RICTOR: variants seen among roughly 807,000 people sequenced by gnomAD.
RICTOR encodes the protein RPTOR independent companion of MTOR complex 2.
RICTOR carries 49 observed loss-of-function variants against 214.9 expected under a neutral mutation model. The ratio of observed to expected loss-of-function variants is 0.23; its 90% CI spans 0.18 to 0.29. RICTOR has a LOEUF of 0.29. Ranked by LOEUF, RICTOR falls within the 10% of genes least tolerant of loss-of-function variation. RICTOR has a pLI of 1.00. For missense variants in RICTOR, 1,625 were observed against 2,047.0 expected, an observed-to-expected ratio of 0.79 and a Z score of 3.98; for synonymous variants, 717 against 711.3, an observed-to-expected ratio of 1.01 and a Z score of -0.13.
rs1747230964 is a variant in RICTOR, at chr5:38,938,799, A to AAC, written c.*3503_*3504dup. 4.3e-6 allele frequency: 1 copy of AAC among 233,000 alleles called. No homozygotes were observed. The highest frequency in any genetic ancestry group is 5.6e-5 in the Admixed American group (1 of 17,780). 14.4% of individuals were successfully genotyped at this position (233,000 alleles called of 1,614,324 possible). A position where few individuals can be genotyped will look rare whatever the true frequency, so the allele number is the denominator to read the frequency against. ...ATGACACTCTTGAGATTAAGATAGT[A>AAC]ACAGTGTATTTTGTTAATGCAGAGA... On this transcript the variant is annotated 3_prime_UTR_variant, in exon 38 of 38. Coordinates refer to ENST00000357387, the MANE Select transcript of RICTOR (RefSeq NM_152756.5).
intron 7 of RICTOR, among the ~76,000 whole-genome samples, chr5:38,986,811 G>T (rs1319845371): frequency 6.6e-6 from 1 of 152,166 alleles, no homozygotes; most frequent in African/African-American, 2.4e-5. Context: ...GTTTTCAAAG[G>T]GAATGCTTCC....
Position 38,971,970 on chromosome 5 carries a change from C to G in RICTOR, c.890-11G>C, listed in dbSNP as rs776099740. The G allele has an allele frequency of 8.4e-7, 1 of 1,187,876 alleles. No individual in the cohort carries two copies. The highest frequency in any genetic ancestry group is 1.2e-6 in the Non-Finnish European group (1 of 820,354). 73.6% of individuals were successfully genotyped at this position (1,187,876 alleles called of 1,614,324 possible). ...ATAAATTAATAATACCTAAAGAGGA[C>G]AGAAAGAAAAAAAAATCACTGACAT... On this transcript the variant is annotated splice_polypyrimidine_tract_variant and intron_variant, in intron 10 of 37. Transcript: ENST00000357387.
chr5:38,983,792 C>A (rs1303069415), intron 7 of RICTOR, among the ~76,000 whole-genome samples: 6 of 151,862 alleles, frequency 4.0e-5, no homozygotes, highest in Non-Finnish European at 8.8e-5. Flanking sequence ...GAAACCCCAT[C>A]TCTACTGAAA....
chr5:38,994,694 A>G (rs1580044553), intron 6 of RICTOR, among the ~76,000 whole-genome samples: 1 of 150,744 alleles, frequency 6.6e-6, no homozygotes, highest in East Asian at 2.0e-4. Flanking sequence ...ATCAAATGAA[A>G]TGATATTTTT....
chr5:38,990,835 G>GATATATA, intron 7 of RICTOR, 114 bp downstream of exon 7: 1 of 198,344 alleles, frequency 5.0e-6, no homozygotes, highest in Admixed American at 1.4e-4. Context: ...TGATATATGA[G>GATATATA]ATATATGAGA....
At chr5:38,990,812 T>G (rs1231890648) in intron 7 of RICTOR, 137 bp downstream of exon 7, 1 of 162,146 alleles carries the variant, frequency 6.2e-6, no homozygotes, top group Non-Finnish European at 1.0e-5. Context: ...ATATATGAGA[T>G]ATATGAGATA....
chr5:38,950,469 T>C lies in RICTOR; in HGVS notation c.3379A>G (p.Ser1127Gly), dbSNP rs577991926. The C allele has an allele frequency of 6.8e-6, 11 of 1,613,544 alleles. No individual in the cohort carries two copies. The South Asian group carries it at 7.7e-5, about 11-fold the overall frequency. ...GTAAGTGTTCTGATTCGCCTGTTGC[T>C]TGTCTTACTTTCAGATGATAATTTC... ...GGKLSSESKTSNRRIRTLTEP... is the reference protein window; with the variant it reads ...GGKLSSESKTGNRRIRTLTEP... The change falls in exon 31 of 38, where the codon AGC (serine) becomes GGC (glycine). Residue 1127 changes from serine (S) to glycine (G), a missense_variant. This residue lies in a region of RICTOR where 1,214 missense variants were observed against 1,470.5 expected (regional missense o/e 0.83). Coordinates refer to ENST00000357387, the MANE Select transcript of RICTOR (RefSeq NM_152756.5).
intron 6 of RICTOR, among the ~76,000 whole-genome samples, chr5:38,995,688 C>G (rs1753129673): frequency 6.6e-6 from 1 of 151,764 alleles, no homozygotes; most frequent in Non-Finnish European, 1.5e-5. Context: ...TGACATATAA[C>G]CCAAATAACC....
intron 2 of RICTOR, among the ~76,000 whole-genome samples, chr5:39,051,740 C>G (rs145595963): frequency 0.047 from 6,821 of 145,986 alleles, 284 homozygotes; most frequent in African/African-American, 0.11. Context: ...GCAACGGAGC[C>G]AGACTCTGTC....
chr5:39,049,531 T>C (rs1757707488), intron 2 of RICTOR, among the ~76,000 whole-genome samples: 1 of 151,552 alleles, frequency 6.6e-6, no homozygotes, highest in African/African-American at 2.4e-5. Flanking sequence ...GCCAATAAAA[T>C]GTTATTTACA....
chr5:38,991,064 C>T lies in RICTOR; in HGVS notation c.468G>A (p.Val156=). 1 of 1,590,294 alleles carries T rather than the reference C, an allele frequency of 6.3e-7. No individual in the cohort carries two copies. Among genetic ancestry groups the T allele is most frequent in the Non-Finnish European group, 8.6e-7 (1 of 1,166,420 alleles). Residue 156 remains valine, a synonymous_variant, in exon 7 of 38, where the codon GTG becomes GTA. Coordinates refer to ENST00000357387, the MANE Select transcript of RICTOR (RefSeq NM_152756.5). ...ALRLVRKMIT[V]NASLFPSSVT... ...CAGAACTAGGAAACAAGGAAGCATT[C>T]ACAGTAATCATCTGTAACAGAAGGA...
chr5:38,949,303 C>A (rs1748487236), intron 31 of RICTOR: 1 of 1,174,080 alleles, frequency 8.5e-7, no homozygotes. Flanking sequence ...TTTCATTTAT[C>A]TTTTTAAAAA....
intron 28 of RICTOR, 120 bp from the exon 29 acceptor site, chr5:38,953,211 CA>C (rs1298608592): frequency 1.5e-6 from 1 of 682,776 alleles, no homozygotes; most frequent in East Asian, 2.7e-5. Flanking sequence ...AAAGCCTCCT[CA>C]AGTACAAAAC....
intron 2 of RICTOR, among the ~76,000 whole-genome samples, chr5:39,063,213 T>C (rs577475521): frequency 6.6e-6 from 1 of 152,268 alleles, no homozygotes; most frequent in Non-Finnish European, 1.5e-5. Context: ...CAGACATTTA[T>C]AGACTCATAG....
At position 39,039,146 on chromosome 5, in the gene RICTOR, C is replaced by T. The variant is rs1486954440; in HGVS notation, c.98-18010G>A. 3.3e-5 allele frequency among the ~76,000 whole-genome samples: 5 copies of T among 152,176 alleles called. No homozygotes were observed. The South Asian group carries it at 6.2e-4, about 19-fold the overall frequency. ...TAGACCAATGGAACAGAACAGAGCC[C>T]GCAGAAATAATGCCACATATCTACA... On this transcript the variant is annotated intron_variant, in intron 2 of 37. Coordinates refer to ENST00000357387, the MANE Select transcript of RICTOR (RefSeq NM_152756.5).
intron 26 of RICTOR, 38 bp from the exon 27 acceptor site, chr5:38,954,899 A>AT (rs769569640): frequency 1.0e-6 from 1 of 986,556 alleles, no homozygotes; most frequent in Non-Finnish European, 1.6e-6. Context: ...CTCTTGGCTA[A>AT]TTTAAATATG....
rs1315559357 is a variant in RICTOR, at chr5:38,939,543, A to G, written c.*2761T>C. ...ATTTAATTATGAATACTAAATTTCT[A>G]ATTTCCTTATTTATCAGTATTTACT... On this transcript the variant is annotated 3_prime_UTR_variant, in exon 38 of 38. Transcript: ENST00000357387. 4.3e-6 allele frequency: 1 copy of G among 231,948 alleles called. No homozygotes were observed. The highest frequency in any genetic ancestry group is 8.5e-6 in the Non-Finnish European group (1 of 117,382). 14.4% of individuals were successfully genotyped at this position (231,948 alleles called of 1,614,324 possible).
At chr5:39,010,656 G>A (rs1252290355) in intron 3 of RICTOR, among the ~76,000 whole-genome samples, 3 of 152,178 alleles carry the variant, frequency 2.0e-5, no homozygotes, top group Non-Finnish European at 4.4e-5. Context: ...TTGGGAACTG[G>A]AATAAAGGTG....
chr5:38,967,713 G>T (rs1363309300), intron 12 of RICTOR, among the ~76,000 whole-genome samples: 1 of 151,852 alleles, frequency 6.6e-6, no homozygotes, highest in Non-Finnish European at 1.5e-5. Context: ...TCCTTTTTTG[G>T]CCCATTCCTA....
Sources: allele counts gnomAD v4.1 joint callset (sites outside exome capture counted in the v4.1 genomes callset), GRCh38; gene constraint gnomAD v4.1.1; regional missense constraint gnomAD v4.1.1; transcripts MANE v1.5; gene names NCBI Gene and HGNC (gene_info 2026-07-23, HGNC 2026-07-21).